SEMA3D: variants seen among roughly 807,000 people sequenced by gnomAD.
SEMA3D encodes the protein semaphorin 3D.
A neutral mutation model predicts 100.1 loss-of-function variants in SEMA3D; 84 were observed. The observed-to-expected ratio is 0.84, with a 90% CI of 0.70 to 1.01. The LOEUF is 1.01. Among genes scored for constraint, SEMA3D ranks in the 50% least tolerant of loss-of-function variants. The pLI is 0.00. For missense variants in SEMA3D, 875 were observed against 934.1 expected (o/e 0.94, Z 0.82); for synonymous variants, 312 against 320.7 (o/e 0.97, Z 0.29).
intron 1 of SEMA3D, among the ~76,000 whole-genome samples, chr7:85,173,839 G>A (rs1791151782): frequency 6.6e-6 from 1 of 152,088 alleles, no homozygotes; most frequent in Non-Finnish European, 1.5e-5. Flanking sequence ...CTAGTATCTG[G>A]ACCCAGGATG....
the SEMA3D span, among the ~76,000 whole-genome samples, chr7:85,236,179 G>C: frequency 6.6e-6 from 1 of 151,888 alleles, no homozygotes; most frequent in Non-Finnish European, 1.5e-5. Flanking sequence ...CTGTTTCCTA[G>C]TGACACTACC....
At chr7:85,246,765 T>A in the SEMA3D span, among the ~76,000 whole-genome samples, 1 of 151,910 alleles carries the variant, frequency 6.6e-6, no homozygotes, top group South Asian at 2.1e-4. Flanking sequence ...CTTTGGTAGG[T>A]AACCTAAAGA....
chr7:85,171,537 T>G (rs894466682), intron 1 of SEMA3D, among the ~76,000 whole-genome samples: 43 of 152,084 alleles, frequency 2.8e-4, no homozygotes, highest in African/African-American at 9.9e-4. Context: ...GGAACAACCA[T>G]TATTACCTTG....
Position 85,053,022 on chromosome 7 carries a change from T to C in SEMA3D, c.861+2695A>G, listed in dbSNP as rs574930025. Among the ~76,000 whole-genome samples the C allele has an allele frequency of 2.6e-5, 4 of 152,078 alleles. No homozygotes were observed. In the East Asian group the frequency reaches 5.8e-4, roughly 22 times the overall value. On this transcript the variant is annotated intron_variant, in intron 9 of 18. Transcript: ENST00000284136. ...GTTTTACAAGTCAATAAAACAATTG[T>C]TTTTCAGTTAGTAGCTGAAGATGAA...
the SEMA3D span, among the ~76,000 whole-genome samples, chr7:85,217,528 A>T: frequency 6.6e-6 from 1 of 152,108 alleles, no homozygotes; most frequent in Non-Finnish European, 1.5e-5. Context: ...GGATAAGTGA[A>T]GAAAAGTTGG....
intron 2 of SEMA3D, among the ~76,000 whole-genome samples, chr7:85,150,346 AAT>A (rs3078412): frequency 0.051 from 6,151 of 121,196 alleles, 340 homozygotes; most frequent in African/African-American, 0.12. Flanking sequence ...CTTTTCTAGA[AAT>A]ATATATATAT....
chr7:85,041,965 A>G (rs935509888), intron 10 of SEMA3D: 6 of 529,274 alleles, frequency 1.1e-5, no homozygotes, highest in African/African-American at 9.5e-5. Flanking sequence ...GAGGACTCTT[A>G]CAAAGAGAAG....
chr7:85,124,891 T>C (rs1789521994), intron 2 of SEMA3D, among the ~76,000 whole-genome samples: 2 of 152,160 alleles, frequency 1.3e-5, no homozygotes, highest in Non-Finnish European at 2.9e-5. Flanking sequence ...CACTTCGTAC[T>C]GCCTTTTGGT....
the SEMA3D span, among the ~76,000 whole-genome samples, chr7:85,207,278 A>G: frequency 1.3e-5 from 2 of 152,070 alleles, no homozygotes; most frequent in Non-Finnish European, 2.9e-5. Flanking sequence ...GACAGGCTTT[A>G]TAACTGCCTT....
the SEMA3D span, among the ~76,000 whole-genome samples, chr7:85,219,485 T>C: frequency 6.6e-6 from 1 of 152,082 alleles, no homozygotes; most frequent in South Asian, 2.1e-4. Context: ...ACCAATTCTA[T>C]GGTTACTCTT....
intron 12 of SEMA3D, among the ~76,000 whole-genome samples, chr7:85,035,089 C>T (rs1276284504): frequency 6.6e-6 from 1 of 151,610 alleles, no homozygotes; most frequent in Admixed American, 6.6e-5. Context: ...TGTCTGTCAA[C>T]AGATGAATGG....
At chr7:85,175,928 T>C (rs1051470718) in intron 1 of SEMA3D, among the ~76,000 whole-genome samples, 2 of 152,058 alleles carry the variant, frequency 1.3e-5, no homozygotes, top group African/African-American at 4.8e-5. Context: ...AAGAATTCAC[T>C]CTCTGGTGTG....
chr7:85,248,609 G>C, the SEMA3D span, among the ~76,000 whole-genome samples: 11 of 152,054 alleles, frequency 7.2e-5, no homozygotes, highest in Non-Finnish European at 1.5e-4. Context: ...GAAATAAAAC[G>C]TGATACATCT....
At chr7:85,176,090 T>G (rs1004230162) in intron 1 of SEMA3D, among the ~76,000 whole-genome samples, 2 of 151,976 alleles carry the variant, frequency 1.3e-5, no homozygotes, top group Admixed American at 6.6e-5. Flanking sequence ...GTAGACAACA[T>G]GAGTCTATAC....
rs566875929 is a variant in SEMA3D, at chr7:85,073,237, C to T, written c.376-156G>A. 3.9e-5 allele frequency among the ~76,000 whole-genome samples: 6 copies of T among 152,108 alleles called. No homozygotes were observed. The South Asian group carries it at 8.3e-4, about 21-fold the overall frequency. Reference sequence around the variant, plus strand: ...AATTCTAGACATCTGTTGTAGCAAACGAGGCAAGACAAATATAGAAACCAT... The same window carrying T: ...AATTCTAGACATCTGTTGTAGCAAATGAGGCAAGACAAATATAGAAACCAT... On this transcript the variant is annotated intron_variant, in intron 5 of 18. Coordinates refer to ENST00000284136, the MANE Select transcript of SEMA3D (RefSeq NM_001384900.1).
chr7:85,073,863 AT>A (rs1218532846), intron 5 of SEMA3D, among the ~76,000 whole-genome samples: 1 of 152,058 alleles, frequency 6.6e-6, no homozygotes, highest in Non-Finnish European at 1.5e-5. Flanking sequence ...TTTTGAAGAA[AT>A]TTTTGTTTCT....
chr7:85,201,384 C>A, the SEMA3D span, among the ~76,000 whole-genome samples: 2 of 152,166 alleles, frequency 1.3e-5, no homozygotes, highest in Non-Finnish European at 2.9e-5. Context: ...GTGTGGAACT[C>A]TTTCTCTTGA....
At chr7:85,171,937 C>T (rs1791093668) in intron 1 of SEMA3D, among the ~76,000 whole-genome samples, 1 of 151,308 alleles carries the variant, frequency 6.6e-6, no homozygotes, top group African/African-American at 2.4e-5. Flanking sequence ...ATGACACATG[C>T]TAAAGCGGTG....
At chr7:85,027,897 G>T in intron 12 of SEMA3D, 1 of 578,004 alleles carries the variant, frequency 1.7e-6, no homozygotes, top group African/African-American at 1.9e-5. Flanking sequence ...TTTCCAGCAA[G>T]GAAAAGTAGA....
Sources: gnomAD v4.1 joint callset for allele counts (sites outside exome capture counted in the v4.1 genomes callset) on GRCh38, gnomAD v4.1.1 for gene constraint, MANE v1.5 for transcripts, NCBI Gene and HGNC (gene_info 2026-07-23, HGNC 2026-07-21) for gene names.